The following SYNE1 variants were observed in gnomAD, a reference collection of about 807,000 sequenced individuals.
SYNE1 encodes the protein nesprin-1.
A neutral mutation model predicts 1,111.0 loss-of-function variants in SYNE1; 616 were observed. That is an observed-to-expected ratio of 0.55 (90% CI 0.52 to 0.59). SYNE1 has a LOEUF of 0.59. SYNE1 is among the 20% of genes least tolerant of loss of function. The pLI, the probability that SYNE1 is intolerant of heterozygous loss-of-function variation, is 0.00. For missense variants in SYNE1, 10,006 were observed against 10,417.0 expected, an observed-to-expected ratio of 0.96 and a Z score of 1.72; for synonymous variants, 3,855 against 3,825.8, an observed-to-expected ratio of 1.01 and a Z score of -0.28.
At chr6:152,544,344 G>A (rs955474830) in intron 3 of SYNE1, among the ~76,000 whole-genome samples, 1 of 152,064 alleles carries the variant, frequency 6.6e-6, no homozygotes, top group African/African-American at 2.4e-5. Flanking sequence ...GTTCCTAAAG[G>A]CCAGACCGTG....
At chr6:152,567,070 A>C (rs2950447) in intron 3 of SYNE1, among the ~76,000 whole-genome samples, 114,868 of 150,984 alleles carry the variant, frequency 0.76, 43,765 homozygotes, top group African/African-American at 0.81. Flanking sequence ...ATCTCCCTAA[A>C]CTGCTCCATC....
intron 55 of SYNE1, among the ~76,000 whole-genome samples, chr6:152,385,261 T>C (rs2097507042): frequency 6.6e-6 from 1 of 152,180 alleles, no homozygotes; most frequent in Non-Finnish European, 1.5e-5. Context: ...CTCCCTTCTA[T>C]TATGTTGTTG....
At chr6:152,569,635 G>A (rs1426062854) in intron 3 of SYNE1, among the ~76,000 whole-genome samples, 2 of 152,148 alleles carry the variant, frequency 1.3e-5, no homozygotes, top group East Asian at 3.9e-4. Flanking sequence ...GCAGCTTTAG[G>A]GATGATGAGA....
rs567391477 is a variant in SYNE1, at chr6:152,148,240, G to C, written c.24781C>G (p.Leu8261Val). Reference sequence around the variant, plus strand: ...CGCTCGCTCCGGAGGGGCTGAGCGAGCGAGAGGGAGAGATTGGAGGAAGGC... The same window carrying C: ...CGCTCGCTCCGGAGGGGCTGAGCGACCGAGAGGGAGAGATTGGAGGAAGGC... ...PQPSSNLSLS[L>V]AQPLRSERSG... is the part of the protein sequence containing the mutation. Residue 8261 changes from leucine to valine, a missense_variant, in exon 137 of 146, where the codon CTC becomes GTC. This residue lies in a region of SYNE1 where 761 missense variants were observed against 795.5 expected (regional missense o/e 0.96). Coordinates refer to ENST00000367255, the MANE Select transcript of SYNE1 (RefSeq NM_182961.4). The surrounding 1 kb of genome is among the most constrained non-coding windows in gnomAD (Gnocchi z 4.1). 1.1e-4 allele frequency: 182 copies of C among 1,613,904 alleles called. 1 individual carries two copies. Among genetic ancestry groups the C allele is most frequent in the South Asian group, 6.4e-4 (58 of 91,044 alleles).
chr6:152,498,852 T>C (rs1019295828), intron 10 of SYNE1, 60 bp from the exon 11 acceptor site: 4 of 1,027,502 alleles, frequency 3.9e-6, no homozygotes, highest in Non-Finnish European at 5.4e-6. Flanking sequence ...AAAAATTATT[T>C]AGAAAACAAG....
Position 152,520,561 on chromosome 6 carries a change from A to G in SYNE1, c.226-19T>C. 6.2e-7 allele frequency: 1 copy of G among 1,613,164 alleles called. No individual in the cohort carries two copies. The highest frequency in any genetic ancestry group is 8.5e-7 in the Non-Finnish European group (1 of 1,179,232). On this transcript the variant is annotated intron_variant, in intron 5 of 145. Transcript: ENST00000367255. ...CACAAGGCTGTAAAAAGTGGGGTAAAAAAGGGAATGAGACAAAATCTGCAT... is the reference window on the plus strand; with the variant it reads ...CACAAGGCTGTAAAAAGTGGGGTAAGAAAGGGAATGAGACAAAATCTGCAT...
chr6:152,609,785 G>A lies in SYNE1; in HGVS notation c.67+18480C>T, dbSNP rs539924014. ...ATGAAGTTTCCAGGGGAACGATCAG[G>A]CAGCAGTATTTGCTCTTCTGCAATA... On this transcript the variant is annotated intron_variant, in intron 3 of 145. Coordinates refer to ENST00000367255, the MANE Select transcript of SYNE1 (RefSeq NM_182961.4). Among the ~76,000 whole-genome samples, 15 of 152,272 alleles carry A rather than the reference G, an allele frequency of 9.9e-5. No homozygotes were observed. The South Asian group carries it at 2.5e-3, about 25-fold the overall frequency.
rs569899079 is a variant in SYNE1 at position 152,131,324 on chromosome 6, T to C, written c.26095-546A>G. ...CTAGGATCTATAGGAAACTAGTGAA[T>C]GTAGTAAAAAAAAAAAAAAAATCCT... is the stretch of plus-strand genomic sequence containing the variant. On this transcript the variant is annotated intron_variant, in intron 144 of 145. Transcript: ENST00000367255. Among the ~76,000 whole-genome samples, 60 of 119,100 alleles carry C rather than the reference T, an allele frequency of 5.0e-4. No individual in the cohort carries two copies. In the East Asian group the frequency reaches 0.01, roughly 20 times the overall value. 78.1% of individuals were successfully genotyped at this position (119,100 alleles called of 152,430 possible). A position where few individuals can be genotyped will look rare whatever the true frequency, so the allele number is the denominator to read the frequency against.
At chr6:152,552,906 G>A (rs1386571419) in intron 3 of SYNE1, among the ~76,000 whole-genome samples, 2 of 152,146 alleles carry the variant, frequency 1.3e-5, no homozygotes, top group Non-Finnish European at 2.9e-5. Context: ...TTCCACATGA[G>A]ACAGCAGCTG....
At chr6:152,232,542 T>C (rs1307317820) in intron 112 of SYNE1, among the ~76,000 whole-genome samples, 1 of 152,250 alleles carries the variant, frequency 6.6e-6, no homozygotes, top group East Asian at 1.9e-4. Context: ...GAGAATATTA[T>C]TCTTATTTTA....
chr6:152,428,290 C>A lies in SYNE1; in HGVS notation c.4891G>T (p.Ala1631Ser), dbSNP rs993931854. 1.9e-6 allele frequency: 3 copies of A among 1,614,148 alleles called. No individual in the cohort carries two copies. The highest frequency in any genetic ancestry group is 2.5e-6 in the Non-Finnish European group (3 of 1,180,030). The stretch of plus-strand genomic sequence containing the variant: ...ATGTCCTCGTATTGCTGCTGTAGAG[C>A]CGCAGCCTCCTGAACACAGGAATCT... ...NRDSCVQEAA[A>S]LQQQYEDILR... Residue 1631 changes from alanine (A) to serine (S), a missense_variant, in exon 37 of 146, where the codon GCT becomes TCT. Physicochemically the swap from Ala to Ser is moderately conservative, Grantham distance 99. Transcript: ENST00000367255.
chr6:152,144,691 G>C (rs1046177817), intron 137 of SYNE1: 4 of 152,312 alleles, frequency 2.6e-5, no homozygotes, highest in African/African-American at 7.3e-5. Flanking sequence ...TTTGCTTTCT[G>C]TCCTTTTGAT....
chr6:152,188,984 A>ATAT (rs1329296361), intron 128 of SYNE1, among the ~76,000 whole-genome samples: 2 of 23,004 alleles, frequency 8.7e-5, no homozygotes, highest in African/African-American at 1.4e-4. Flanking sequence ...AAAAAAAAAA[A>ATAT]ATATATATAT....
rs2154266865 is a variant in SYNE1, at chr6:152,462,779, C to T, written c.2209G>A (p.Val737Ile). The change falls in exon 20 of 146, where the codon GTC (valine) becomes ATC (isoleucine). Residue 737 changes from valine to isoleucine, a missense_variant. By Grantham distance (29) the Val-to-Ile change is conservative. Coordinates refer to ENST00000367255, the MANE Select transcript of SYNE1 (RefSeq NM_182961.4). Reference sequence around the variant, plus strand: ...AATAGCTTGACATTCATAAAAGAGACTTCTAAGGGTTCAGAAAGTTTCTTA... The same window carrying T: ...AATAGCTTGACATTCATAAAAGAGATTTCTAAGGGTTCAGAAAGTTTCTTA... ...AHKKLSEPLE[V>I]SFMNVKLLIQ... 3.7e-6 allele frequency: 6 copies of T among 1,614,020 alleles called. No homozygotes were observed. The highest frequency in any genetic ancestry group is 2.2e-5 in the South Asian group (2 of 91,078).
In SYNE1 at chr6:152,310,848, A is replaced by G. The variant is rs763745397; in HGVS notation, c.16736T>C (p.Ile5579Thr). The change falls in exon 88 of 146, where the codon ATT becomes ACT. Residue 5579 changes from isoleucine to threonine, a missense_variant. This residue lies in a region of SYNE1 where 4,955 missense variants were observed against 5,017.2 expected (regional missense o/e 0.99). Coordinates refer to ENST00000367255, the MANE Select transcript of SYNE1 (RefSeq NM_182961.4). ...HQTLLEESKE[I>T]DSELEAMTEK... ...AGTCATTGCTTCCAGCTCACTGTCA[A>G]TTTCTTTGGATTCTTCTAGCAGGGT... is the stretch of plus-strand genomic sequence containing the variant. The G allele has an allele frequency of 1.9e-6, 3 of 1,613,822 alleles. No individual in the cohort carries two copies. The highest frequency in any genetic ancestry group is 1.3e-5 in the African/African-American group (1 of 74,944).
At chr6:152,170,832 A>T (rs188280545) in intron 130 of SYNE1, among the ~76,000 whole-genome samples, 12 of 151,996 alleles carry the variant, frequency 7.9e-5, no homozygotes, top group African/African-American at 2.9e-4. Flanking sequence ...CCCAAATCTC[A>T]TCTTGACTTG....
rs1478954941 is a variant in SYNE1 at position 152,309,833 on chromosome 6, G to A, written c.17202+2C>T. 1 of 1,613,544 alleles carries A rather than the reference G, an allele frequency of 6.2e-7. No individual in the cohort carries two copies. Among genetic ancestry groups the A allele is most frequent in the Admixed American group, 1.7e-5 (1 of 59,992 alleles). ...CTACTGGTGTGGGTACCCTGCACCT[G>A]CCTGCATGATGTTACACTGCTGGAT... is the stretch of plus-strand genomic sequence containing the variant. On this transcript the variant is annotated splice_donor_variant, in intron 90 of 145. Transcript: ENST00000367255. LOFTEE classifies it low-confidence loss of function (GC_TO_GT_DONOR).
chr6:152,536,972 C>T (rs147980740), intron 4 of SYNE1, among the ~76,000 whole-genome samples: 2,507 of 152,248 alleles, frequency 0.016, 25 homozygotes, highest in South Asian at 0.037. Flanking sequence ...AACATGTTTT[C>T]TCAATAAGTG....
chr6:152,548,007 C>T (rs746376107), intron 3 of SYNE1, among the ~76,000 whole-genome samples: 6 of 152,042 alleles, frequency 3.9e-5, no homozygotes, highest in Admixed American at 2.6e-4. Flanking sequence ...AAGTTGTATT[C>T]ATCAATTATA....
Sources: gnomAD v4.1 joint callset for allele counts (sites outside exome capture counted in the v4.1 genomes callset) on GRCh38, gnomAD v4.1.1 for gene constraint, gnomAD v4.1.1 regional missense constraint, Gnocchi (gnomAD v3.1) non-coding constraint, MANE v1.5 for transcripts, NCBI Gene and HGNC (gene_info 2026-07-23, HGNC 2026-07-21) for gene names.